The following MAPRE2 variants were observed in gnomAD, a reference collection of about 807,000 sequenced individuals.
MAPRE2 encodes the protein microtubule-associated protein RP/EB family member 2.
Under a neutral mutation model 43.2 loss-of-function variants are expected in MAPRE2, and 13 were observed. The observed-to-expected ratio is 0.30, with a 90% CI of 0.20 to 0.48. MAPRE2 has a LOEUF of 0.48. Among genes scored for constraint, MAPRE2 ranks in the 20% least tolerant of loss-of-function variants. MAPRE2 has a pLI of 0.99. For missense variants in MAPRE2, 161 were observed against 400.2 expected, an observed-to-expected ratio of 0.40 and a Z score of 5.10; for synonymous variants, 135 against 148.8, an observed-to-expected ratio of 0.91 and a Z score of 0.68.
chr18:35,064,248 C>A (rs1441637386), intron 1 of MAPRE2, among the ~76,000 whole-genome samples: 2 of 151,732 alleles, frequency 1.3e-5, no homozygotes, highest in Non-Finnish European at 2.9e-5. Flanking sequence ...TTCCTTATAG[C>A]CACACACCTC....
At chr18:35,064,545 A>G (rs1906738689) in intron 1 of MAPRE2, among the ~76,000 whole-genome samples, 2 of 152,202 alleles carry the variant, frequency 1.3e-5, no homozygotes. Context: ...TTAATTTTGA[A>G]GAGCCACTTC....
intron 2 of MAPRE2, among the ~76,000 whole-genome samples, chr18:35,019,040 G>T (rs894974540): frequency 4.8e-5 from 5 of 104,082 alleles, no homozygotes; most frequent in Admixed American, 1.2e-4. Flanking sequence ...TTATTTCAAA[G>T]AATTTTTTTA....
chr18:35,042,544 T>C (rs1905420674), intron 1 of MAPRE2, among the ~76,000 whole-genome samples: 1 of 152,200 alleles, frequency 6.6e-6, no homozygotes, highest in Non-Finnish European at 1.5e-5. Context: ...TTGCATTGTT[T>C]GATAAGGATA....
intron 1 of MAPRE2, among the ~76,000 whole-genome samples, chr18:34,990,010 A>G (rs2097022955): frequency 6.6e-6 from 1 of 152,200 alleles, no homozygotes; most frequent in South Asian, 2.1e-4. Context: ...TGAAGATTGC[A>G]ATAAACTTTC....
At chr18:35,092,099 A>G in intron 2 of MAPRE2, among the ~76,000 whole-genome samples, 1 of 152,198 alleles carries the variant, frequency 6.6e-6, no homozygotes. Context: ...CTCACTGCTT[A>G]CTCACTATCA....
chr18:35,095,613 G>T (rs1035555321), intron 2 of MAPRE2, among the ~76,000 whole-genome samples: 1 of 150,170 alleles, frequency 6.7e-6, no homozygotes, highest in Non-Finnish European at 1.5e-5. Context: ...TATAGTATCT[G>T]GGTCTCCATA....
intron 1 of MAPRE2, among the ~76,000 whole-genome samples, chr18:35,000,113 A>G (rs890097220): frequency 9.2e-5 from 14 of 152,196 alleles, no homozygotes; most frequent in African/African-American, 3.1e-4. Flanking sequence ...AAGGGATTCA[A>G]TATCTCAAAG....
intron 1 of MAPRE2, among the ~76,000 whole-genome samples, chr18:34,998,042 C>T (rs1344057557): frequency 6.6e-6 from 1 of 152,132 alleles, no homozygotes; most frequent in East Asian, 1.9e-4. Flanking sequence ...GGTATCGGCT[C>T]CACAACTTCA....
chr18:34,977,126 A>C (rs2097013610), intron 1 of MAPRE2: 1 of 153,170 alleles, frequency 6.5e-6, no homozygotes, highest in East Asian at 1.9e-4. Flanking sequence ...GCACCCCGAC[A>C]CCCCCTGCAC....
At chr18:35,010,127 C>G (rs1483867671) in intron 2 of MAPRE2, among the ~76,000 whole-genome samples, 1 of 152,122 alleles carries the variant, frequency 6.6e-6, no homozygotes. Context: ...TAGGTCACGC[C>G]TGTAATCCCA....
At chr18:35,070,506 TC>T (rs1161743355) in intron 2 of MAPRE2, 184 bp downstream of exon 2, 1 of 432,308 alleles carries the variant, frequency 2.3e-6, no homozygotes. Context: ...TTTATGAGCA[TC>T]CAGGAGCACA....
At chr18:35,009,121 T>C (rs1281366153) in intron 2 of MAPRE2, among the ~76,000 whole-genome samples, 1 of 152,128 alleles carries the variant, frequency 6.6e-6, no homozygotes, top group African/African-American at 2.4e-5. Context: ...AACTAAGATA[T>C]ATGTAAACGA....
chr18:35,114,837 C>T (rs191343027), intron 4 of MAPRE2, among the ~76,000 whole-genome samples: 6 of 152,180 alleles, frequency 3.9e-5, no homozygotes, highest in East Asian at 3.9e-4. Flanking sequence ...ATAACTAAAC[C>T]CCATGTGCTC....
chr18:35,001,974 A>T (rs903095974), intron 1 of MAPRE2, among the ~76,000 whole-genome samples: 21 of 152,266 alleles, frequency 1.4e-4, no homozygotes, highest in Middle Eastern at 3.4e-3. Context: ...CATCTTGCAA[A>T]CTTACAGCAC....
intron 4 of MAPRE2, among the ~76,000 whole-genome samples, chr18:35,103,434 G>A (rs1037968649): frequency 6.6e-5 from 10 of 152,096 alleles, no homozygotes; most frequent in African/African-American, 2.4e-4. Context: ...ACCAGATTTG[G>A]GAAGAAATCT....
In MAPRE2 at chr18:35,110,054, A is replaced by G. The variant is rs1569007375; in HGVS notation, c.610+7895A>G. Among the ~76,000 whole-genome samples the G allele has an allele frequency of 3.3e-5, 5 of 152,222 alleles. No individual in the cohort carries two copies. In the South Asian group the frequency reaches 8.3e-4, roughly 25 times the overall value. ...ATATATATTCTTGTTTTTTCACACT[A>G]TCCTTTAAATTAATACTGTACACCT... On this transcript the variant is annotated intron_variant, in intron 4 of 6. Transcript: ENST00000300249.
At position 35,142,712 on chromosome 18, in the gene MAPRE2, C is replaced by G. The variant is rs894654388; in HGVS notation, c.*2343C>G. ...TTGTGCTGCACCCCAGATGGTGTCT[C>G]AGATGCTTTGGGGAATCTTTAACAG... On this transcript the variant is annotated 3_prime_UTR_variant, in exon 7 of 7. Coordinates refer to ENST00000300249, the MANE Select transcript of MAPRE2 (RefSeq NM_014268.4). The G allele has an allele frequency of 1.3e-5, 2 of 152,244 alleles. No homozygotes were observed. Among genetic ancestry groups the G allele is most frequent in the African/African-American group, 4.8e-5 (2 of 41,444 alleles). 9.4% of individuals were successfully genotyped at this position (152,244 alleles called of 1,614,324 possible). A position where few individuals can be genotyped will look rare whatever the true frequency, so the allele number is the denominator to read the frequency against.
intron 1 of MAPRE2, among the ~76,000 whole-genome samples, chr18:35,043,381 G>A (rs1413760614): frequency 3.9e-5 from 6 of 152,110 alleles, no homozygotes; most frequent in Non-Finnish European, 8.8e-5. Context: ...TTTACCCCAC[G>A]GGCCAAAGGA....
At chr18:35,057,031 T>C (rs1221756410) in intron 1 of MAPRE2, among the ~76,000 whole-genome samples, 1 of 152,210 alleles carries the variant, frequency 6.6e-6, no homozygotes, top group Non-Finnish European at 1.5e-5. Context: ...TGTTTTGTTT[T>C]GAAACAGAGT....
Sources: allele counts gnomAD v4.1 joint callset (sites outside exome capture counted in the v4.1 genomes callset), GRCh38; gene constraint gnomAD v4.1.1; transcripts MANE v1.5; gene names NCBI Gene and HGNC (gene_info 2026-07-23, HGNC 2026-07-21).